The following PCDH15 variants were observed in gnomAD, a reference collection of about 807,000 sequenced individuals.
PCDH15 encodes the protein protocadherin-15.
In PCDH15, 129 loss-of-function variants were observed where a neutral mutation model predicts 178.5. The ratio of observed to expected loss-of-function variants is 0.72; its 90% CI spans 0.63 to 0.84. The LOEUF (loss-of-function observed/expected upper bound fraction) is 0.84. Among genes scored for constraint, PCDH15 ranks in the 40% least tolerant of loss-of-function variants. The pLI, the probability that PCDH15 is intolerant of heterozygous loss-of-function variation, is 0.00. For synonymous variants in PCDH15, 800 were observed against 732.0 expected, an observed-to-expected ratio of 1.09 and a Z score of -1.50; for missense variants, 2,230 against 2,099.9, an observed-to-expected ratio of 1.06 and a Z score of -1.21.
At chr10:55,428,639 C>T (rs1316310835) in intron 2 of PCDH15, among the ~76,000 whole-genome samples, 1 of 151,712 alleles carries the variant, frequency 6.6e-6, no homozygotes, top group Non-Finnish European at 1.5e-5. Context: ...TTTTTGATAA[C>T]ATATTTTAGG....
chr10:55,458,117 TC>T (rs1287227009), intron 2 of PCDH15, among the ~76,000 whole-genome samples: 1 of 152,038 alleles, frequency 6.6e-6, no homozygotes, highest in Non-Finnish European at 1.5e-5. Context: ...AATAATGGAA[TC>T]TTCCACATGT....
At chr10:54,076,358 A>C (rs1196481692) in intron 17 of PCDH15, among the ~76,000 whole-genome samples, 1 of 152,210 alleles carries the variant, frequency 6.6e-6, no homozygotes, top group Non-Finnish European at 1.5e-5. Flanking sequence ...GTGTGCAAAC[A>C]TGAAACATGT....
chr10:54,306,894 T>C (rs2060504631), intron 8 of PCDH15, among the ~76,000 whole-genome samples: 1 of 149,976 alleles, frequency 6.7e-6, no homozygotes, highest in African/African-American at 2.4e-5. Flanking sequence ...AACCTTCAGC[T>C]CCTAATTCCT....
chr10:54,396,848 T>C (rs1359510135), intron 3 of PCDH15, among the ~76,000 whole-genome samples: 1 of 152,138 alleles, frequency 6.6e-6, no homozygotes, highest in Non-Finnish European at 1.5e-5. Context: ...AATTCAAGTA[T>C]GGATATGATA....
chr10:55,093,151 T>C (rs1842357941), intron 2 of PCDH15, among the ~76,000 whole-genome samples: 1 of 152,212 alleles, frequency 6.6e-6, no homozygotes, highest in East Asian at 1.9e-4. Context: ...AGGTATTATA[T>C]GGTATCCATT....
intron 13 of PCDH15, among the ~76,000 whole-genome samples, chr10:54,168,410 T>C (rs1410450088): frequency 6.6e-6 from 1 of 151,370 alleles, no homozygotes; most frequent in Non-Finnish European, 1.5e-5. Flanking sequence ...CAGACCCATC[T>C]GACCTCTCCC....
intron 21 of PCDH15, among the ~76,000 whole-genome samples, chr10:53,993,042 G>C (rs1287262111): frequency 6.6e-6 from 1 of 152,164 alleles, no homozygotes; most frequent in Admixed American, 6.5e-5. Flanking sequence ...TCATTCAAAA[G>C]AAACAGGATA....
chr10:54,308,059 C>T (rs1306063620), intron 8 of PCDH15, among the ~76,000 whole-genome samples: 1 of 152,062 alleles, frequency 6.6e-6, no homozygotes, highest in African/African-American at 2.4e-5. Flanking sequence ...CAAGTTCAAA[C>T]TGAGTTTTAG....
At chr10:55,276,765 G>A (rs543580721) in intron 1 of PCDH15, among the ~76,000 whole-genome samples, 9 of 151,478 alleles carry the variant, frequency 5.9e-5, no homozygotes, top group African/African-American at 2.2e-4. Flanking sequence ...AAAATTGGAC[G>A]CATTATTTCC....
chr10:55,270,632 TA>T (rs869073342), intron 1 of PCDH15, among the ~76,000 whole-genome samples: 27 of 148,364 alleles, frequency 1.8e-4, no homozygotes, highest in Non-Finnish European at 2.8e-4. Flanking sequence ...GTTAAAAAAA[TA>T]AAAAAACAAC....
intron 2 of PCDH15, among the ~76,000 whole-genome samples, chr10:54,657,117 C>A (rs1285610656): frequency 6.6e-6 from 1 of 152,204 alleles, no homozygotes; most frequent in Non-Finnish European, 1.5e-5. Context: ...AGGATTTGCC[C>A]TGAGCCCATT....
chr10:55,264,383 A>G (rs948313547), intron 1 of PCDH15, among the ~76,000 whole-genome samples: 22 of 152,046 alleles, frequency 1.4e-4, no homozygotes, highest in Non-Finnish European at 1.5e-5. Flanking sequence ...CAGGGAACTC[A>G]CAGGTTGTTG....
rs150462428 is a variant in PCDH15, at chr10:55,445,740, G to T, written c.-156+181885C>A. 5.9e-5 allele frequency among the ~76,000 whole-genome samples: 9 copies of T among 152,196 alleles called. No homozygotes were observed. The East Asian group carries it at 1.7e-3, about 29-fold the overall frequency. The stretch of plus-strand genomic sequence containing the variant: ...AAAAAAATCCAAGAGCTTCACAAAT[G>T]TAAGCATCAGATGTAGGTAGGTGAT... On this transcript the variant is annotated intron_variant, in intron 2 of 5. Coordinates refer to the PCDH15 transcript ENST00000613346.
intron 3 of PCDH15, among the ~76,000 whole-genome samples, chr10:54,441,221 T>A (rs1168778225): frequency 6.6e-6 from 1 of 151,922 alleles, no homozygotes; most frequent in Non-Finnish European, 1.5e-5. Context: ...GATGAATCAC[T>A]TCAGCAGTGC....
At chr10:55,309,063 G>A (rs1460850371) in intron 1 of PCDH15, among the ~76,000 whole-genome samples, 1 of 152,098 alleles carries the variant, frequency 6.6e-6, no homozygotes, top group Non-Finnish European at 1.5e-5. Flanking sequence ...TCATGTTACA[G>A]GAATACTACA....
chr10:54,196,858 CTG>C (rs1381749680), intron 10 of PCDH15, among the ~76,000 whole-genome samples: 1 of 152,164 alleles, frequency 6.6e-6, no homozygotes, highest in Non-Finnish European at 1.5e-5. Context: ...GAACCACCCT[CTG>C]TGAGGAAGTG....
intron 8 of PCDH15, among the ~76,000 whole-genome samples, chr10:54,266,263 G>A (rs1819736624): frequency 1.3e-5 from 2 of 151,624 alleles, no homozygotes; most frequent in Non-Finnish European, 2.9e-5. Flanking sequence ...TTAAACAAAT[G>A]AAAACAGAGA....
At chr10:55,490,282 A>G (rs1840383062) in intron 2 of PCDH15, among the ~76,000 whole-genome samples, 1 of 151,760 alleles carries the variant, frequency 6.6e-6, no homozygotes, top group Admixed American at 6.6e-5. Flanking sequence ...TAGAATTTGC[A>G]AGACGGAGAA....
chr10:54,531,329 G>C (rs2083900296), intron 2 of PCDH15, among the ~76,000 whole-genome samples: 1 of 152,138 alleles, frequency 6.6e-6, no homozygotes, highest in South Asian at 2.1e-4. Context: ...TGAATGCTCA[G>C]TGTGGCTTAT....
Sources: allele counts gnomAD v4.1 joint callset (sites outside exome capture counted in the v4.1 genomes callset), GRCh38; gene constraint gnomAD v4.1.1; transcripts MANE v1.5; gene names NCBI Gene and HGNC (gene_info 2026-07-23, HGNC 2026-07-21).